The following CSTPP1 variants were observed in gnomAD, a reference collection of about 807,000 sequenced individuals.
CSTPP1 encodes the protein centriolar satellite-associated tubulin polyglutamylase complex regulator 1, also known as UPF0705 protein C11orf49.
the CSTPP1 span, chr11:47,162,393 C>A: frequency 3.0e-6 from 1 of 333,150 alleles, no homozygotes; most frequent in Non-Finnish European, 4.3e-6. Flanking sequence ...AGGGGCCTAG[C>A]TTCGCACAAG....
At chr11:47,018,249 A>G in the CSTPP1 span, among the ~76,000 whole-genome samples, 3 of 150,894 alleles carry the variant, frequency 2.0e-5, no homozygotes, top group Non-Finnish European at 4.4e-5. Context: ...TGTGTACCCA[A>G]GAATAAGATT....
At chr11:47,137,845 G>A in the CSTPP1 span, 3 of 969,734 alleles carry the variant, frequency 3.1e-6, no homozygotes, top group African/African-American at 4.9e-5. Flanking sequence ...AACTGGCAGT[G>A]GGAGAGGGGT....
the CSTPP1 span, among the ~76,000 whole-genome samples, chr11:47,055,375 TTCCCC>T: frequency 2.8e-5 from 3 of 107,466 alleles, no homozygotes; most frequent in African/African-American, 1.1e-4. Flanking sequence ...CCTTCCTTCC[TTCCCC>T]TCCCCTCCCC....
the CSTPP1 span, among the ~76,000 whole-genome samples, chr11:47,014,753 AAGGG>A: frequency 1.4e-5 from 2 of 140,670 alleles, no homozygotes; most frequent in African/African-American, 5.1e-5. Context: ...GAAAGGAAGG[AAGGG>A]AGGGAGGGAA....
chr11:47,160,247 G>A, the CSTPP1 span: 1 of 149,488 alleles, frequency 6.7e-6, no homozygotes, highest in Non-Finnish European at 1.5e-5. Context: ...CGAGGCTGCA[G>A]TGAGCCATGA....
chr11:47,017,825 G>A, the CSTPP1 span, among the ~76,000 whole-genome samples: 1 of 151,988 alleles, frequency 6.6e-6, no homozygotes, highest in Non-Finnish European at 1.5e-5. Context: ...ACATCACCAT[G>A]CCTGGCTAAT....
the CSTPP1 span, among the ~76,000 whole-genome samples, chr11:47,055,601 G>A: frequency 1.3e-5 from 2 of 152,074 alleles, no homozygotes; most frequent in African/African-American, 2.4e-5. Flanking sequence ...CTAAGAAATA[G>A]GTAAAGTGGG....
At chr11:47,127,126 C>T in the CSTPP1 span, among the ~76,000 whole-genome samples, 1 of 152,062 alleles carries the variant, frequency 6.6e-6, no homozygotes, top group Non-Finnish European at 1.5e-5. Context: ...GTCTGTGTAG[C>T]AGAGAAAGGC....
chr11:47,162,257 C>G, the CSTPP1 span: 5 of 985,346 alleles, frequency 5.1e-6, no homozygotes. Context: ...ACTGGTGAGT[C>G]TAAAGCTCCT....
the CSTPP1 span, among the ~76,000 whole-genome samples, chr11:47,005,124 A>G: frequency 2.0e-5 from 3 of 151,988 alleles, no homozygotes; most frequent in African/African-American, 7.2e-5. Flanking sequence ...TACCCTGAAC[A>G]TCCCCTAAAA....
chr11:47,056,544 T>A, the CSTPP1 span, among the ~76,000 whole-genome samples: 72 of 152,316 alleles, frequency 4.7e-4, no homozygotes, highest in Non-Finnish European at 7.9e-4. Flanking sequence ...CAGTTTCTCC[T>A]TGTGCCATAA....
chr11:46,999,328 AT>A, the CSTPP1 span, among the ~76,000 whole-genome samples: 1 of 152,224 alleles, frequency 6.6e-6, no homozygotes, highest in East Asian at 1.9e-4. Flanking sequence ...TATTATTGTT[AT>A]CTCTGTTTTA....
chr11:46,987,469 AG>A, the CSTPP1 span: 1 of 594,626 alleles, frequency 1.7e-6, no homozygotes, highest in Admixed American at 2.7e-5. Context: ...CATGTTTTGG[AG>A]CATGCCTTTG....
chr11:47,075,630 G>C, the CSTPP1 span, among the ~76,000 whole-genome samples: 1 of 151,936 alleles, frequency 6.6e-6, no homozygotes, highest in Non-Finnish European at 1.5e-5. Flanking sequence ...AAGAATTGGA[G>C]GTGTCGGCCA....
At chr11:47,160,620 G>C in the CSTPP1 span, 1 of 154,546 alleles carries the variant, frequency 6.5e-6, no homozygotes, top group East Asian at 1.9e-4. Flanking sequence ...CCTGTGCCGG[G>C]TTAATTCTGG....
the CSTPP1 span, among the ~76,000 whole-genome samples, chr11:47,157,623 C>T: frequency 1.3e-5 from 2 of 151,990 alleles, no homozygotes; most frequent in African/African-American, 4.8e-5. Context: ...CTCCCCACCC[C>T]GGTGAAAGCA....
chr11:46,998,524 C>T, the CSTPP1 span, among the ~76,000 whole-genome samples: 6 of 152,116 alleles, frequency 3.9e-5, no homozygotes, highest in African/African-American at 1.4e-4. Context: ...GTAAATTATT[C>T]TAAGAAGTGA....
chr11:46,983,873 G>A, the CSTPP1 span, among the ~76,000 whole-genome samples: 3 of 152,224 alleles, frequency 2.0e-5, no homozygotes, highest in African/African-American at 7.2e-5. Context: ...TCTCTGCAGG[G>A]AGGAACTTTT....
chr11:47,017,117 C>T, the CSTPP1 span, among the ~76,000 whole-genome samples: 2 of 149,774 alleles, frequency 1.3e-5, no homozygotes, highest in East Asian at 3.9e-4. Context: ...TCTTAAAGTG[C>T]TGGGATTACA....
Sources: gnomAD v4.1 joint callset for allele counts (sites outside exome capture counted in the v4.1 genomes callset) on GRCh38, gnomAD v4.1.1 for gene constraint, MANE v1.5 for transcripts, NCBI Gene and HGNC (gene_info 2026-07-23, HGNC 2026-07-21) for gene names.